RYR2: variants seen among roughly 807,000 people sequenced by gnomAD.
The protein encoded by RYR2 is ryanodine receptor 2.
A neutral mutation model predicts 601.1 loss-of-function variants in RYR2; 227 were observed. That is an observed-to-expected ratio of 0.38 (90% CI 0.34 to 0.42). RYR2 has a LOEUF of 0.42. Ranked by LOEUF, RYR2 falls within the 10% of genes least tolerant of loss-of-function variation. The pLI, the probability that RYR2 is intolerant of heterozygous loss-of-function variation, is 1.00. For synonymous variants in RYR2, 2,223 were observed against 2,175.1 expected (o/e 1.02, Z -0.61); for missense variants, 4,646 against 6,156.5 (o/e 0.75, Z 8.21).
chr1:237,176,457 A>G (rs1438211263), intron 1 of RYR2, among the ~76,000 whole-genome samples: 1 of 151,714 alleles, frequency 6.6e-6, no homozygotes, highest in Non-Finnish European at 1.5e-5. Context: ...TTCTTATGAA[A>G]ATCACAAAAA....
intron 23 of RYR2, among the ~76,000 whole-genome samples, chr1:237,509,429 C>A (rs1292489516): frequency 6.6e-6 from 1 of 152,104 alleles, no homozygotes; most frequent in Non-Finnish European, 1.5e-5. Context: ...GTATATTTTT[C>A]TTTGGAGCAA....
intron 3 of RYR2, among the ~76,000 whole-genome samples, chr1:237,346,641 A>G (rs1165351376): frequency 6.6e-6 from 1 of 152,140 alleles, no homozygotes; most frequent in Non-Finnish European, 1.5e-5. Flanking sequence ...TGACAGATCT[A>G]AAAAAACTGG....
chr1:237,110,541 T>G (rs1669355231), intron 1 of RYR2, among the ~76,000 whole-genome samples: 1 of 152,032 alleles, frequency 6.6e-6, no homozygotes. Flanking sequence ...TTTCGATAGT[T>G]TGCTGAGAAT....
chr1:237,465,400 C>T (rs1382586), intron 16 of RYR2, among the ~76,000 whole-genome samples: 75,285 of 151,826 alleles, frequency 0.5, 19,656 homozygotes, highest in East Asian at 0.74. Context: ...ATAAGAGTTC[C>T]TCTTGTTTTG....
intron 17 of RYR2, among the ~76,000 whole-genome samples, chr1:237,471,803 A>C (rs4436381): frequency 0.5 from 75,375 of 152,058 alleles, 19,765 homozygotes; most frequent in East Asian, 0.8. Flanking sequence ...GGCATTCCTA[A>C]TGAAAAGGGA....
intron 20 of RYR2, among the ~76,000 whole-genome samples, chr1:237,498,263 T>C (rs981753206): frequency 6.6e-6 from 1 of 152,110 alleles, no homozygotes; most frequent in African/African-American, 2.4e-5. Flanking sequence ...AGGAATGTGG[T>C]TGGAGTCCTC....
intron 8 of RYR2, among the ~76,000 whole-genome samples, chr1:237,378,272 G>A (rs372649993): frequency 8.5e-5 from 13 of 152,254 alleles, no homozygotes; most frequent in African/African-American, 2.9e-4. Flanking sequence ...GATGAGATTC[G>A]GGTGGGGACA....
chr1:237,309,450 A>T (rs111308276), intron 2 of RYR2, among the ~76,000 whole-genome samples: 22 of 132,616 alleles, frequency 1.7e-4, no homozygotes, highest in East Asian at 9.6e-4. Context: ...GAGCACTGAT[A>T]GGTGCATTTA....
At chr1:237,453,394 A>G (rs1176829635) in intron 14 of RYR2, among the ~76,000 whole-genome samples, 2 of 152,130 alleles carry the variant, frequency 1.3e-5, no homozygotes, top group African/African-American at 4.8e-5. Context: ...ATTTTAAATA[A>G]TTTTTTAAAA....
At chr1:237,486,616 C>T (rs986883020) in intron 17 of RYR2, among the ~76,000 whole-genome samples, 3 of 152,158 alleles carry the variant, frequency 2.0e-5, no homozygotes, top group African/African-American at 7.2e-5. Context: ...TGTCAGGCCT[C>T]ATTAAGTTGC....
At chr1:237,056,307 C>T (rs1343069240) in intron 1 of RYR2, among the ~76,000 whole-genome samples, 26 of 148,332 alleles carry the variant, frequency 1.8e-4, no homozygotes, top group Admixed American at 1.7e-3. Flanking sequence ...AACACTGCAC[C>T]TGTGAGGACT....
intron 58 of RYR2, among the ~76,000 whole-genome samples, chr1:237,669,768 G>T (rs1208886245): frequency 2.0e-5 from 3 of 150,392 alleles, no homozygotes; most frequent in Non-Finnish European, 3.0e-5. Flanking sequence ...TCCTAGATGG[G>T]ATGGCGGCCG....
intron 29 of RYR2, among the ~76,000 whole-genome samples, chr1:237,584,997 T>C (rs1674369108): frequency 6.6e-6 from 1 of 152,006 alleles, no homozygotes; most frequent in Non-Finnish European, 1.5e-5. Context: ...TGCCTCAGCC[T>C]CTCAGATACA....
At chr1:237,733,511 A>G (rs927089423) in intron 78 of RYR2, among the ~76,000 whole-genome samples, 194 bp from the exon 79 acceptor site, 5 of 152,164 alleles carry the variant, frequency 3.3e-5, no homozygotes, top group African/African-American at 1.2e-4. Flanking sequence ...GCTATTTAGG[A>G]TCCCCGGGAT....
At chr1:237,214,295 A>G (rs1255452405) in intron 1 of RYR2, among the ~76,000 whole-genome samples, 1 of 152,126 alleles carries the variant, frequency 6.6e-6, no homozygotes, top group Non-Finnish European at 1.5e-5. Context: ...TTGTGTTTCT[A>G]TAAAGGACTA....
At chr1:237,485,208 A>G (rs987602207) in intron 17 of RYR2, among the ~76,000 whole-genome samples, 3 of 152,358 alleles carry the variant, frequency 2.0e-5, no homozygotes, top group African/African-American at 7.2e-5. Context: ...AAAGTATTTC[A>G]GTTATTCTAT....
intron 42 of RYR2, among the ~76,000 whole-genome samples, chr1:237,632,389 C>CTT (rs11448751): frequency 0.016 from 1,997 of 127,090 alleles, 27 homozygotes; most frequent in Non-Finnish European, 0.023. Context: ...AAAGTGAATT[C>CTT]TTTTTTTTTT....
chr1:237,788,181 C>A, intron 92 of RYR2, 46 bp downstream of exon 92: 1 of 1,485,056 alleles, frequency 6.7e-7, no homozygotes, highest in Non-Finnish European at 9.2e-7. Context: ...AGTGCAATAC[C>A]GTAATAATTT....
At chr1:237,664,810 T>C (rs1035929255) in intron 56 of RYR2, among the ~76,000 whole-genome samples, 2 of 152,160 alleles carry the variant, frequency 1.3e-5, no homozygotes, top group Non-Finnish European at 2.9e-5. Context: ...GTAAAGACCA[T>C]AGGAGTGCTG....
Sources: gnomAD v4.1 joint callset for allele counts (sites outside exome capture counted in the v4.1 genomes callset) on GRCh38, gnomAD v4.1.1 for gene constraint, MANE v1.5 for transcripts, NCBI Gene and HGNC (gene_info 2026-07-23, HGNC 2026-07-21) for gene names.